The following FREM1 variants were observed in gnomAD, a reference collection of about 807,000 sequenced individuals.
FREM1 encodes FRAS1 related extracellular matrix 1.
A neutral mutation model predicts 210.1 loss-of-function variants in FREM1; 220 were observed. That is an observed-to-expected ratio of 1.05 (90% confidence interval 0.94 to 1.17). FREM1 has a LOEUF of 1.17. FREM1 is among the 50% of genes most tolerant of loss of function. FREM1 has a pLI of 0.00. For synonymous variants in FREM1, 1,189 were observed against 980.2 expected (o/e 1.21, Z -3.98); for missense variants, 3,454 against 2,675.5 (o/e 1.29, Z -6.42).
At chr9:14,800,263 T>C (rs1265000224) in intron 20 of FREM1, among the ~76,000 whole-genome samples, 1 of 151,922 alleles carries the variant, frequency 6.6e-6, no homozygotes, top group Non-Finnish European at 1.5e-5. Context: ...AACAGAAAGG[T>C]GCGTTCTGAA....
At chr9:14,756,676 G>C (rs1005925927) in intron 28 of FREM1, among the ~76,000 whole-genome samples, 1 of 152,096 alleles carries the variant, frequency 6.6e-6, no homozygotes, top group Non-Finnish European at 1.5e-5. Context: ...CTTTTGTTTT[G>C]TTTGGTTTTT....
chr9:14,831,692 AGG>A (rs1823584287), intron 10 of FREM1, among the ~76,000 whole-genome samples: 3 of 152,336 alleles, frequency 2.0e-5, no homozygotes, highest in Non-Finnish European at 4.4e-5. Flanking sequence ...CCTCCCTTAA[AGG>A]GGCCTTGCCC....
At chr9:14,777,656 T>A (rs113489677) in intron 24 of FREM1, among the ~76,000 whole-genome samples, 5,758 of 48,262 alleles carry the variant, frequency 0.12, 141 homozygotes, top group South Asian at 0.23. Flanking sequence ...GAAGTTCTTT[T>A]TTAACTAGAG....
intron 5 of FREM1, among the ~76,000 whole-genome samples, chr9:14,851,941 T>C (rs904261079): frequency 1.5e-4 from 23 of 152,320 alleles, no homozygotes; most frequent in African/African-American, 5.5e-4. Flanking sequence ...TCCAACACTT[T>C]TAATTTGTGT....
At chr9:14,804,743 T>A (rs1209867354) in intron 19 of FREM1, among the ~76,000 whole-genome samples, 1 of 152,060 alleles carries the variant, frequency 6.6e-6, no homozygotes. Flanking sequence ...TCTCTCATAA[T>A]TACTGAAGGG....
chr9:14,762,755 A>AT (rs34136678), intron 27 of FREM1, among the ~76,000 whole-genome samples: 39,992 of 137,910 alleles, frequency 0.29, 5,985 homozygotes, highest in Admixed American at 0.34. Flanking sequence ...TTTGAATGTG[A>AT]TTTTTTTTTT....
rs536673618 is a variant in FREM1 at position 14,836,209 on chromosome 9, T to C, written c.1881+5238A>G. ...CACACCACACTTGTGGGAATTGCTG[T>C]CCTCACTCTACTATTTGCAATAGGG... On this transcript the variant is annotated intron_variant, in intron 10 of 36. Transcript: ENST00000380880. This position sits in a 1 kb window ranked among gnomAD's most constrained non-coding sequence, Gnocchi z 4.9. Among the ~76,000 whole-genome samples the C allele has an allele frequency of 1.8e-4, 27 of 152,368 alleles. No individual in the cohort carries two copies. Among genetic ancestry groups the C allele is most frequent in the African/African-American group, 6.0e-4 (25 of 41,590 alleles).
intron 27 of FREM1, among the ~76,000 whole-genome samples, chr9:14,762,525 T>G (rs948539306): frequency 2.0e-5 from 3 of 152,174 alleles, no homozygotes; most frequent in Non-Finnish European, 4.4e-5. Context: ...TGTTTGGGAA[T>G]GTGCATGCAT....
At chr9:14,766,535 G>C (rs1846442540) in intron 27 of FREM1, among the ~76,000 whole-genome samples, 2 of 152,158 alleles carry the variant, frequency 1.3e-5, no homozygotes, top group African/African-American at 2.4e-5. Context: ...GCAGTAACTT[G>C]ATGAATCTCA....
At chr9:14,874,878 C>G (rs1426375237) in intron 1 of FREM1, among the ~76,000 whole-genome samples, 1 of 152,134 alleles carries the variant, frequency 6.6e-6, no homozygotes, top group South Asian at 2.1e-4. Flanking sequence ...GACAAAATCT[C>G]TCAGCATTTG....
intron 7 of FREM1, among the ~76,000 whole-genome samples, chr9:14,846,996 C>T (rs149547024): frequency 0.011 from 1,711 of 152,270 alleles, 37 homozygotes; most frequent in Admixed American, 0.047. Flanking sequence ...CTGATCAGGC[C>T]CTGCACCAGG....
chr9:14,840,611 TC>T (rs1173685497), intron 10 of FREM1, among the ~76,000 whole-genome samples: 1 of 152,146 alleles, frequency 6.6e-6, no homozygotes, highest in African/African-American at 2.4e-5. Context: ...TTCAATTACC[TC>T]CCACCAGGTT....
chr9:14,761,108 C>T (rs889808964), intron 27 of FREM1, among the ~76,000 whole-genome samples: 2 of 152,108 alleles, frequency 1.3e-5, no homozygotes, highest in Non-Finnish European at 2.9e-5. Context: ...CTGGGTGCCA[C>T]CATATGGAAC....
chr9:14,785,231 C>T (rs1243224983), intron 23 of FREM1, among the ~76,000 whole-genome samples: 1 of 152,202 alleles, frequency 6.6e-6, no homozygotes, highest in African/African-American at 2.4e-5. Flanking sequence ...GTTCTGTTCA[C>T]ACAACTGAAT....
rs1587734104 is a variant in FREM1 at position 14,756,314 on chromosome 9, T to C, written c.5407+60A>G. 3.4e-6 allele frequency: 4 copies of C among 1,172,490 alleles called. No homozygotes were observed. The South Asian group carries it at 4.2e-5, about 12-fold the overall frequency. 72.6% of individuals were successfully genotyped at this position (1,172,490 alleles called of 1,614,324 possible). A position where few individuals can be genotyped will look rare whatever the true frequency, so the allele number is the denominator to read the frequency against. ...CTATCTTCTCTACAATCTCCAGACATGCCTACAAAAAAAAACAAAAAACAA... is the reference window on the plus strand; with the variant it reads ...CTATCTTCTCTACAATCTCCAGACACGCCTACAAAAAAAAACAAAAAACAA... On this transcript the variant is annotated intron_variant, in intron 29 of 36. Transcript: ENST00000380880.
chr9:14,875,367 T>C (rs1010457846), intron 1 of FREM1, among the ~76,000 whole-genome samples: 3 of 152,184 alleles, frequency 2.0e-5, no homozygotes, highest in South Asian at 2.1e-4. Context: ...GGAGGCTTTG[T>C]TCATTTCCTT....
intron 27 of FREM1, among the ~76,000 whole-genome samples, chr9:14,766,698 A>G (rs1038168168): frequency 3.3e-5 from 5 of 152,136 alleles, no homozygotes; most frequent in African/African-American, 1.2e-4. Context: ...AAACAGGTCC[A>G]TTTCTGTTCC....
At chr9:14,870,543 T>A (rs370702951) in intron 1 of FREM1, among the ~76,000 whole-genome samples, 1 of 152,206 alleles carries the variant, frequency 6.6e-6, no homozygotes, top group East Asian at 1.9e-4. Flanking sequence ...AATGTAAATG[T>A]CACACACTTG....
At position 14,851,364 on chromosome 9, in the gene FREM1, A is replaced by C. The variant is rs747140889; in HGVS notation, c.1072T>G (p.Phe358Val). The change falls in exon 6 of 37, where the codon TTC (phenylalanine) becomes GTC (valine). Residue 358 changes from phenylalanine (F) to valine (V), a missense_variant. Phe to Val is a conservative substitution (Grantham distance 50). Coordinates refer to ENST00000380880, the MANE Select transcript of FREM1 (RefSeq NM_001379081.2). ...LLDHTRPISS[F>V]TWKDLSDMQI... The stretch of plus-strand genomic sequence containing the variant: ...ATGTCACTGAGATCTTTCCAGGTGA[A>C]TGAGGAGATTGGTCTGGTGTGATCC... 1 of 1,613,540 alleles carries C rather than the reference A, an allele frequency of 6.2e-7. No individual in the cohort carries two copies. The highest frequency in any genetic ancestry group is 1.3e-5 in the African/African-American group (1 of 74,890).
Sources: allele counts gnomAD v4.1 joint callset (sites outside exome capture counted in the v4.1 genomes callset), GRCh38; gene constraint gnomAD v4.1.1; non-coding constraint Gnocchi (gnomAD v3.1); transcripts MANE v1.5; gene names NCBI Gene and HGNC (gene_info 2026-07-23, HGNC 2026-07-21).